The following DLG2 variants were observed in gnomAD, a reference collection of about 807,000 sequenced individuals.
DLG2 encodes discs large MAGUK scaffold protein 2, also known as disks large homolog 2.
Under a neutral mutation model 132.5 loss-of-function variants are expected in DLG2, and 45 were observed. The observed-to-expected ratio is 0.34, with a 90% confidence interval of 0.27 to 0.44. The LOEUF is 0.44. DLG2 is among the 20% of genes least tolerant of loss of function. DLG2 has a pLI of 1.00. For missense variants in DLG2, 1,045 were observed against 1,196.9 expected, an observed-to-expected ratio of 0.87 and a Z score of 1.87; for synonymous variants, 424 against 419.6, an observed-to-expected ratio of 1.01 and a Z score of -0.13.
chr11:83,950,099 G>A (rs1051391502), intron 14 of DLG2, among the ~76,000 whole-genome samples: 6 of 152,136 alleles, frequency 3.9e-5, no homozygotes, highest in African/African-American at 9.7e-5. Flanking sequence ...GTTACCTCAC[G>A]TGTAAAAGGG....
chr11:84,635,256 G>A (rs2099638675), intron 6 of DLG2, among the ~76,000 whole-genome samples: 1 of 152,172 alleles, frequency 6.6e-6, no homozygotes. Flanking sequence ...GTCCAATGCT[G>A]CCTTTCTGAT....
intron 4 of DLG2, among the ~76,000 whole-genome samples, chr11:85,230,724 G>A (rs1254936072): frequency 6.6e-6 from 1 of 151,768 alleles, no homozygotes; most frequent in Non-Finnish European, 1.5e-5. Flanking sequence ...GCTATGGTTT[G>A]GATGTTTATT....
chr11:85,500,153 A>C, intron 3 of DLG2, among the ~76,000 whole-genome samples: 1 of 152,246 alleles, frequency 6.6e-6, no homozygotes, highest in Middle Eastern at 3.4e-3. Context: ...AGGAAGTCAA[A>C]TTGTCTCCCT....
chr11:83,466,632 A>C, intron 26 of DLG2, 76 bp downstream of exon 26: 1 of 740,184 alleles, frequency 1.4e-6, no homozygotes, highest in Non-Finnish European at 2.3e-6. Context: ...TTCCCAGCAA[A>C]ATCCTGTTAG....
chr11:84,185,121 G>A (rs2154284402), intron 8 of DLG2, among the ~76,000 whole-genome samples: 1 of 152,194 alleles, frequency 6.6e-6, no homozygotes, highest in South Asian at 2.1e-4. Flanking sequence ...GTCATTGGTA[G>A]CTTGATGGGG....
intron 19 of DLG2, among the ~76,000 whole-genome samples, chr11:83,624,180 C>T (rs1212136977): frequency 6.6e-6 from 1 of 152,134 alleles, no homozygotes; most frequent in Non-Finnish European, 1.5e-5. Context: ...CTGGATGAAT[C>T]AATTAATGAC....
chr11:85,378,228 C>A (rs1002894960), intron 3 of DLG2, among the ~76,000 whole-genome samples: 1 of 152,054 alleles, frequency 6.6e-6, no homozygotes, highest in Non-Finnish European at 1.5e-5. Context: ...ACATCTTGAA[C>A]ATATTTCCAT....
intron 6 of DLG2, among the ~76,000 whole-genome samples, chr11:85,035,672 C>T (rs2061378398): frequency 6.6e-6 from 1 of 152,122 alleles, no homozygotes; most frequent in Admixed American, 6.5e-5. Flanking sequence ...ACAAACTAAC[C>T]AGCCCACCCA....
At chr11:85,125,004 G>A (rs924545443) in intron 5 of DLG2, among the ~76,000 whole-genome samples, 1 of 152,022 alleles carries the variant, frequency 6.6e-6, no homozygotes, top group African/African-American at 2.4e-5. Context: ...CTAATTTTTT[G>A]TATTTTTAGT....
chr11:83,540,677 G>A (rs1444464404), intron 20 of DLG2, among the ~76,000 whole-genome samples: 1 of 152,184 alleles, frequency 6.6e-6, no homozygotes, highest in Admixed American at 6.5e-5. Flanking sequence ...GTTTGTACTA[G>A]CTCAATCACT....
intron 3 of DLG2, among the ~76,000 whole-genome samples, chr11:85,420,693 T>C (rs2090224693): frequency 6.6e-6 from 1 of 152,242 alleles, no homozygotes; most frequent in Admixed American, 6.5e-5. Context: ...TGGTGGGCTC[T>C]GCCCAGTTTG....
At chr11:84,489,625 A>G (rs1260595693) in intron 7 of DLG2, among the ~76,000 whole-genome samples, 1 of 152,110 alleles carries the variant, frequency 6.6e-6, no homozygotes, top group Non-Finnish European at 1.5e-5. Flanking sequence ...CAACCAAAGC[A>G]AAACGCTGGC....
At chr11:85,256,406 C>T (rs753288698) in intron 4 of DLG2, among the ~76,000 whole-genome samples, 25 of 152,178 alleles carry the variant, frequency 1.6e-4, no homozygotes, top group Non-Finnish European at 3.4e-4. Flanking sequence ...GTAAAACCTT[C>T]GCATTCATCC....
intron 3 of DLG2, among the ~76,000 whole-genome samples, chr11:85,573,718 C>T (rs1357961810): frequency 3.3e-5 from 5 of 152,278 alleles, no homozygotes; most frequent in African/African-American, 4.8e-5. Flanking sequence ...TACATAGTTT[C>T]GTTCTGCTAT....
intron 6 of DLG2, among the ~76,000 whole-genome samples, chr11:84,819,495 G>A (rs4144290): frequency 0.081 from 12,356 of 151,834 alleles, 713 homozygotes; most frequent in Middle Eastern, 0.14. Context: ...GGCTGAAAAT[G>A]AGCCCTTTTC....
chr11:84,559,141 T>C (rs1407543582), intron 6 of DLG2, among the ~76,000 whole-genome samples: 1 of 152,150 alleles, frequency 6.6e-6, no homozygotes, highest in Non-Finnish European at 1.5e-5. Context: ...AAGGCAAATA[T>C]TTAATTTTGA....
chr11:84,379,563 G>A (rs1323790919), intron 7 of DLG2, among the ~76,000 whole-genome samples: 1 of 152,050 alleles, frequency 6.6e-6, no homozygotes, highest in African/African-American at 2.4e-5. Flanking sequence ...GATTCAAGAT[G>A]TAGAAACATA....
At chr11:85,184,534 A>G (rs2079955312) in intron 4 of DLG2, among the ~76,000 whole-genome samples, 1 of 151,786 alleles carries the variant, frequency 6.6e-6, no homozygotes, top group South Asian at 2.1e-4. Flanking sequence ...AAGTGAGACT[A>G]GTTGAAGCCA....
At chr11:85,574,894 A>G (rs1266212925) in intron 3 of DLG2, among the ~76,000 whole-genome samples, 3 of 152,234 alleles carry the variant, frequency 2.0e-5, no homozygotes, top group Admixed American at 1.3e-4. Flanking sequence ...CAGCAACACA[A>G]AACAGACTAA....
Sources: gnomAD v4.1 joint callset for allele counts (sites outside exome capture counted in the v4.1 genomes callset) on GRCh38, gnomAD v4.1.1 for gene constraint, MANE v1.5 for transcripts, NCBI Gene and HGNC (gene_info 2026-07-23, HGNC 2026-07-21) for gene names.